C12orf42: variants seen among roughly 807,000 people sequenced by gnomAD.
The protein encoded by C12orf42 is uncharacterized protein C12orf42.
Under a neutral mutation model 21.6 loss-of-function variants are expected in C12orf42, and 25 were observed. That is an observed-to-expected ratio of 1.16 (90% CI 0.84 to 1.62). The LOEUF is 1.62. Among genes scored for constraint, C12orf42 ranks in the 40% most tolerant of loss-of-function variants. The probability of loss-of-function intolerance (pLI) is 0.00; values close to 1 mark genes in which losing one functional copy is unlikely to be tolerated. For missense variants in C12orf42, 483 were observed against 459.3 expected (o/e 1.05, Z -0.47); for synonymous variants, 174 against 175.0 (o/e 0.99, Z 0.05).
intron 10 of C12orf42, among the ~76,000 whole-genome samples, chr12:103,257,847 A>C (rs1363866060): frequency 6.6e-6 from 1 of 152,024 alleles, no homozygotes; most frequent in Non-Finnish European, 1.5e-5. Context: ...TTAAAGCAAC[A>C]TATTGAAACA....
chr12:103,551,921 T>A, the C12orf42 span, among the ~76,000 whole-genome samples: 1 of 152,144 alleles, frequency 6.6e-6, no homozygotes, highest in Non-Finnish European at 1.5e-5. Context: ...CTTAGTCTAG[T>A]TAGGGTGATG....
At chr12:103,514,819 G>T in the C12orf42 span, among the ~76,000 whole-genome samples, 1 of 152,150 alleles carries the variant, frequency 6.6e-6, no homozygotes, top group Non-Finnish European at 1.5e-5. Flanking sequence ...ATGAACAACA[G>T]AATTCCCAAA....
intron 10 of C12orf42, among the ~76,000 whole-genome samples, chr12:103,244,670 A>G (rs1013437857): frequency 4.6e-5 from 7 of 152,050 alleles, no homozygotes; most frequent in Non-Finnish European, 8.8e-5. Context: ...CACATATAGA[A>G]TTTCCCCTCT....
intron 4 of C12orf42, among the ~76,000 whole-genome samples, chr12:103,337,825 C>T (rs1228083726): frequency 1.3e-5 from 2 of 152,132 alleles, no homozygotes; most frequent in Non-Finnish European, 2.9e-5. Flanking sequence ...CAGTATGAAC[C>T]CCTTCACAAC....
At chr12:103,176,089 C>T in the C12orf42 span, among the ~76,000 whole-genome samples, 1 of 152,034 alleles carries the variant, frequency 6.6e-6, no homozygotes, top group African/African-American at 2.4e-5. Context: ...CCCGCCATGC[C>T]ATATCCCACC....
intron 2 of C12orf42, among the ~76,000 whole-genome samples, chr12:103,450,856 T>C (rs979718539): frequency 1.3e-5 from 2 of 152,138 alleles, no homozygotes; most frequent in Non-Finnish European, 2.9e-5. Flanking sequence ...CCATAGAAAG[T>C]TGGGGGCCCA....
chr12:103,220,002 G>A, the C12orf42 span, among the ~76,000 whole-genome samples: 1 of 152,098 alleles, frequency 6.6e-6, no homozygotes, highest in Non-Finnish European at 1.5e-5. Flanking sequence ...CAAAGACTTG[G>A]AACCAACCCA....
chr12:103,542,609 AGTT>A, the C12orf42 span, among the ~76,000 whole-genome samples: 3 of 152,228 alleles, frequency 2.0e-5, no homozygotes, highest in African/African-American at 4.8e-5. Context: ...AACAATAAGA[AGTT>A]GTAGATAATC....
chr12:103,545,764 A>G, the C12orf42 span, among the ~76,000 whole-genome samples: 4 of 152,156 alleles, frequency 2.6e-5, no homozygotes, highest in Admixed American at 6.5e-5. Flanking sequence ...TCTTTCCCAG[A>G]TCAGTCCTGA....
intron 5 of C12orf42, among the ~76,000 whole-genome samples, chr12:103,303,722 G>A (rs1417937500): frequency 6.6e-6 from 1 of 152,140 alleles, no homozygotes; most frequent in African/African-American, 2.4e-5. Flanking sequence ...ACATGCCCAA[G>A]TCAAACAGTG....
intron 4 of C12orf42, among the ~76,000 whole-genome samples, chr12:103,291,234 T>C (rs2036800588): frequency 6.6e-6 from 1 of 152,180 alleles, no homozygotes; most frequent in African/African-American, 2.4e-5. Flanking sequence ...ACAGTCCAGC[T>C]CTGCCTTGAA....
At chr12:103,182,664 A>C in the C12orf42 span, among the ~76,000 whole-genome samples, 2 of 152,216 alleles carry the variant, frequency 1.3e-5, no homozygotes, top group Non-Finnish European at 2.9e-5. Flanking sequence ...TTTTCATATA[A>C]ATTTTTATTG....
the C12orf42 span, among the ~76,000 whole-genome samples, chr12:103,147,962 A>G: frequency 6.6e-6 from 1 of 152,170 alleles, no homozygotes; most frequent in East Asian, 1.9e-4. Flanking sequence ...GGAAAACAAT[A>G]AGAGAAATAA....
the C12orf42 span, among the ~76,000 whole-genome samples, chr12:103,055,316 C>A: frequency 6.6e-6 from 1 of 151,788 alleles, no homozygotes; most frequent in African/African-American, 2.4e-5. Flanking sequence ...GGAATAGGTC[C>A]ATTTCATCTA....
chr12:103,541,731 G>T, the C12orf42 span, among the ~76,000 whole-genome samples: 1 of 151,682 alleles, frequency 6.6e-6, no homozygotes, highest in African/African-American at 2.4e-5. Flanking sequence ...CATGTCTCTT[G>T]ATTGTATTAT....
the C12orf42 span, among the ~76,000 whole-genome samples, chr12:103,125,623 C>A: frequency 3.9e-5 from 6 of 152,232 alleles, no homozygotes; most frequent in East Asian, 1.2e-3. Flanking sequence ...TTACTTATTT[C>A]TATATTGTAT....
At chr12:103,273,907 G>C (rs1043200475) in intron 5 of C12orf42, 1 of 456,200 alleles carries the variant, frequency 2.2e-6, no homozygotes, top group Non-Finnish European at 4.4e-6. Context: ...GTCCAAGGAG[G>C]ACGAGCAGAA....
the C12orf42 span, among the ~76,000 whole-genome samples, chr12:103,509,928 C>A: frequency 1.3e-5 from 2 of 152,186 alleles, no homozygotes; most frequent in African/African-American, 4.8e-5. Flanking sequence ...AGTACAACTG[C>A]TGTAGAAAAC....
chr12:103,327,646 G>C (rs1157656859), intron 4 of C12orf42, among the ~76,000 whole-genome samples: 1 of 152,158 alleles, frequency 6.6e-6, no homozygotes, highest in Non-Finnish European at 1.5e-5. Context: ...AAAACATTTT[G>C]ATTCTCTGGA....
Sources: gnomAD v4.1 joint callset for allele counts (sites outside exome capture counted in the v4.1 genomes callset) on GRCh38, gnomAD v4.1.1 for gene constraint, MANE v1.5 for transcripts, NCBI Gene and HGNC (gene_info 2026-07-23, HGNC 2026-07-21) for gene names.